The following GALNT13 variants were observed in gnomAD, a reference collection of about 807,000 sequenced individuals.
GALNT13 encodes the protein UDP-GalNAc:polypeptide N-acetylgalactosaminyltransferase 13.
GALNT13 carries 28 observed loss-of-function variants against 64.2 expected under a neutral mutation model. The ratio of observed to expected loss-of-function variants is 0.44; its 90% CI spans 0.32 to 0.60. GALNT13 has a LOEUF of 0.60. Ranked by LOEUF, GALNT13 falls within the 20% of genes least tolerant of loss-of-function variation. The probability of loss-of-function intolerance (pLI) is 0.05; values close to 1 mark genes in which losing one functional copy is unlikely to be tolerated. For synonymous variants in GALNT13, 214 were observed against 224.6 expected, an observed-to-expected ratio of 0.95 and a Z score of 0.42; for missense variants, 577 against 669.8, an observed-to-expected ratio of 0.86 and a Z score of 1.53.
At chr2:153,194,673 T>C in the GALNT13 span, among the ~76,000 whole-genome samples, 3 of 152,242 alleles carry the variant, frequency 2.0e-5, no homozygotes, top group Non-Finnish European at 4.4e-5. Context: ...GTGTCTTTCA[T>C]TGATATTAGC....
chr2:154,328,490 T>C lies in GALNT13; in HGVS notation c.1156+26901T>C, dbSNP rs915361780. 1.4e-4 allele frequency among the ~76,000 whole-genome samples: 22 copies of C among 152,254 alleles called. No homozygotes were observed. In the Middle Eastern group the frequency reaches 0.01, roughly 71 times the overall value. ...TATGTTATTGTAAATGATGCTGCTGTGATCATTATTTTTCATGTTTTCTGG... is the reference window on the plus strand; with the variant it reads ...TATGTTATTGTAAATGATGCTGCTGCGATCATTATTTTTCATGTTTTCTGG... On this transcript the variant is annotated intron_variant, in intron 9 of 12. Coordinates refer to ENST00000392825, the MANE Select transcript of GALNT13 (RefSeq NM_052917.4).
chr2:153,876,269 C>T (rs997310389), intron 1 of GALNT13, among the ~76,000 whole-genome samples: 8 of 151,110 alleles, frequency 5.3e-5, no homozygotes, highest in East Asian at 2.0e-4. Flanking sequence ...TGTTTGAAAA[C>T]GTAAATCACA....
intron 3 of GALNT13, among the ~76,000 whole-genome samples, chr2:154,046,287 C>T (rs1349818122): frequency 6.6e-6 from 1 of 152,016 alleles, no homozygotes; most frequent in African/African-American, 2.4e-5. Context: ...ATCATGCCAC[C>T]GAGTACAGTC....
the GALNT13 span, among the ~76,000 whole-genome samples, chr2:153,366,130 C>G: frequency 6.6e-6 from 1 of 152,106 alleles, no homozygotes; most frequent in Non-Finnish European, 1.5e-5. Context: ...CCTCAGCAAG[C>G]TAACAAAGGA....
chr2:153,397,962 TGCACA>T, the GALNT13 span, among the ~76,000 whole-genome samples: 1 of 152,284 alleles, frequency 6.6e-6, no homozygotes, highest in African/African-American at 2.4e-5. Flanking sequence ...AGGGTACATG[TGCACA>T]TTGTGCAGGT....
chr2:153,381,022 T>C, the GALNT13 span, among the ~76,000 whole-genome samples: 1 of 152,090 alleles, frequency 6.6e-6, no homozygotes, highest in Admixed American at 6.5e-5. Flanking sequence ...CACTGCAGCC[T>C]CATCACGGGC....
At chr2:153,424,030 GA>G in the GALNT13 span, among the ~76,000 whole-genome samples, 1 of 150,402 alleles carries the variant, frequency 6.6e-6, no homozygotes, top group East Asian at 2.0e-4. Flanking sequence ...AAATTTAACT[GA>G]AAAAAAGTAA....
At chr2:153,803,844 C>G in the GALNT13 span, among the ~76,000 whole-genome samples, 1 of 152,158 alleles carries the variant, frequency 6.6e-6, no homozygotes, top group South Asian at 2.1e-4. Flanking sequence ...TGAAACCTAT[C>G]TTGCCAGCAC....
chr2:153,787,314 C>T, the GALNT13 span, among the ~76,000 whole-genome samples: 1 of 152,136 alleles, frequency 6.6e-6, no homozygotes, highest in Non-Finnish European at 1.5e-5. Context: ...CTGGATCACA[C>T]CTCAAAGCTT....
intron 4 of GALNT13, among the ~76,000 whole-genome samples, chr2:154,229,811 C>G (rs546299143): frequency 1.3e-5 from 2 of 152,076 alleles, no homozygotes; most frequent in Admixed American, 1.3e-4. Flanking sequence ...AGTTGAAAGG[C>G]AACAGTGAAA....
chr2:153,892,768 A>G (rs1020034274), intron 1 of GALNT13, among the ~76,000 whole-genome samples: 14 of 151,950 alleles, frequency 9.2e-5, no homozygotes, highest in Non-Finnish European at 1.3e-4. Flanking sequence ...TAATTTTCCA[A>G]CTGTTAATTC....
chr2:154,150,881 C>T (rs1683966656), intron 4 of GALNT13, among the ~76,000 whole-genome samples: 1 of 152,142 alleles, frequency 6.6e-6, no homozygotes, highest in Admixed American at 6.6e-5. Context: ...AAAAAACCAG[C>T]TCCTGGATTC....
At chr2:154,379,843 A>G (rs1043123255) in intron 9 of GALNT13, among the ~76,000 whole-genome samples, 3 of 152,056 alleles carry the variant, frequency 2.0e-5, no homozygotes, top group African/African-American at 7.2e-5. Flanking sequence ...ATTTAAAAAG[A>G]TTAAAGGAAT....
chr2:154,258,225 G>A (rs1690484520), intron 7 of GALNT13, among the ~76,000 whole-genome samples: 1 of 152,020 alleles, frequency 6.6e-6, no homozygotes, highest in Admixed American at 6.6e-5. Context: ...TCTTTAATTT[G>A]TCTTTTAAAT....
At chr2:153,774,504 C>T in the GALNT13 span, among the ~76,000 whole-genome samples, 9 of 152,202 alleles carry the variant, frequency 5.9e-5, no homozygotes, top group South Asian at 1.0e-3. Context: ...ATTCATCAAA[C>T]GTTTATATGG....
chr2:153,443,056 C>T, the GALNT13 span, among the ~76,000 whole-genome samples: 2 of 152,056 alleles, frequency 1.3e-5, no homozygotes, highest in African/African-American at 2.4e-5. Flanking sequence ...AGGGAGTGAA[C>T]GGTTTTGTCT....
At chr2:153,450,254 AAC>A in the GALNT13 span, among the ~76,000 whole-genome samples, 1 of 152,194 alleles carries the variant, frequency 6.6e-6, no homozygotes, top group South Asian at 2.1e-4. Context: ...TAAACAGCAA[AAC>A]TGCAAATTAA....
the GALNT13 span, among the ~76,000 whole-genome samples, chr2:153,289,751 G>A: frequency 5.2e-4 from 79 of 152,316 alleles, no homozygotes; most frequent in Admixed American, 3.9e-3. Flanking sequence ...AATGCAGTGG[G>A]AAGGAGCTAA....
chr2:153,133,986 T>C, the GALNT13 span, among the ~76,000 whole-genome samples: 1 of 152,174 alleles, frequency 6.6e-6, no homozygotes, highest in African/African-American at 2.4e-5. Context: ...TCACTACCTA[T>C]TGTTCATATT....
Sources: allele counts gnomAD v4.1 joint callset (sites outside exome capture counted in the v4.1 genomes callset), GRCh38; gene constraint gnomAD v4.1.1; transcripts MANE v1.5; gene names NCBI Gene and HGNC (gene_info 2026-07-23, HGNC 2026-07-21).